Variants in STXBP5L observed in about 807,000 individuals in gnomAD.
STXBP5L encodes the protein syntaxin-binding protein 5-like.
STXBP5L carries 65 observed loss-of-function variants against 144.5 expected under a neutral mutation model. The observed-to-expected ratio is 0.45, with a 90% CI of 0.37 to 0.55. The LOEUF (loss-of-function observed/expected upper bound fraction) is 0.55, where lower values mean the gene tolerates loss of function less well. Ranked by LOEUF, STXBP5L falls within the 20% of genes least tolerant of loss-of-function variation. The probability of loss-of-function intolerance (pLI) is 0.00; values close to 1 mark genes in which losing one functional copy is unlikely to be tolerated. For missense variants in STXBP5L, 1,298 were observed against 1,405.5 expected, an observed-to-expected ratio of 0.92 and a Z score of 1.22; for synonymous variants, 505 against 469.6, an observed-to-expected ratio of 1.08 and a Z score of -0.97.
chr3:121,369,487 A>T (rs2045964607), intron 20 of STXBP5L, among the ~76,000 whole-genome samples: 1 of 151,982 alleles, frequency 6.6e-6, no homozygotes, highest in Non-Finnish European at 1.5e-5. Flanking sequence ...ATTCTTTGTC[A>T]GACATTTCTT....
chr3:120,968,231 CA>C (rs1163289965), intron 3 of STXBP5L, among the ~76,000 whole-genome samples: 1 of 152,086 alleles, frequency 6.6e-6, no homozygotes, highest in Middle Eastern at 3.2e-3. Flanking sequence ...GTGTCACAGT[CA>C]GTCTCTCTCT....
intron 7 of STXBP5L, among the ~76,000 whole-genome samples, chr3:121,150,876 T>C (rs1406218559): frequency 2.0e-5 from 3 of 152,088 alleles, no homozygotes. Flanking sequence ...TCACTTGAGG[T>C]CAGGAGTTCG....
chr3:121,068,253 C>G (rs186465032), intron 5 of STXBP5L, among the ~76,000 whole-genome samples: 2 of 152,354 alleles, frequency 1.3e-5, no homozygotes, highest in African/African-American at 4.8e-5. Flanking sequence ...TGAGATCTGC[C>G]TGCCTCGGCC....
At chr3:121,068,861 C>G (rs906973509) in intron 5 of STXBP5L, among the ~76,000 whole-genome samples, 2 of 152,064 alleles carry the variant, frequency 1.3e-5, no homozygotes, top group African/African-American at 4.8e-5. Context: ...TTTGTTAGAA[C>G]AAATTCTCTC....
At chr3:121,179,848 A>T (rs2047074677) in intron 9 of STXBP5L, among the ~76,000 whole-genome samples, 1 of 152,170 alleles carries the variant, frequency 6.6e-6, no homozygotes, top group African/African-American at 2.4e-5. Flanking sequence ...TCAGAGCTTG[A>T]AGACAAGGCT....
chr3:121,372,228 G>C (rs952987003), intron 20 of STXBP5L, among the ~76,000 whole-genome samples: 1 of 152,130 alleles, frequency 6.6e-6, no homozygotes, highest in Non-Finnish European at 1.5e-5. Flanking sequence ...CTGGGGGCCT[G>C]GGAGAGGCCA....
intron 5 of STXBP5L, among the ~76,000 whole-genome samples, chr3:121,061,835 A>C (rs551008572): frequency 6.6e-6 from 1 of 151,954 alleles, no homozygotes; most frequent in Non-Finnish European, 1.5e-5. Flanking sequence ...ATGTTCCTCC[A>C]TCCCTTTATT....
chr3:121,151,432 A>G (rs2045928208), intron 7 of STXBP5L, among the ~76,000 whole-genome samples: 1 of 152,086 alleles, frequency 6.6e-6, no homozygotes, highest in Non-Finnish European at 1.5e-5. Flanking sequence ...TTGTGTTTTT[A>G]CTGCGAAAAC....
intron 7 of STXBP5L, among the ~76,000 whole-genome samples, chr3:121,128,300 A>G (rs1292837520): frequency 1.3e-5 from 2 of 152,062 alleles, no homozygotes; most frequent in Non-Finnish European, 2.9e-5. Context: ...AAAAAGCCAT[A>G]TAGTAAATAA....
At chr3:120,978,695 G>C (rs1367601459) in intron 3 of STXBP5L, among the ~76,000 whole-genome samples, 1 of 152,134 alleles carries the variant, frequency 6.6e-6, no homozygotes, top group African/African-American at 2.4e-5. Flanking sequence ...TTTGGTCTTT[G>C]ATGATGGTGA....
At chr3:121,277,438 GATA>G (rs1188567006) in intron 18 of STXBP5L, among the ~76,000 whole-genome samples, 1 of 151,988 alleles carries the variant, frequency 6.6e-6, no homozygotes. Context: ...CTAATGTGCA[GATA>G]ATGTTTAAAT....
At chr3:120,970,506 C>A (rs1210762571) in intron 3 of STXBP5L, among the ~76,000 whole-genome samples, 1 of 152,108 alleles carries the variant, frequency 6.6e-6, no homozygotes, top group African/African-American at 2.4e-5. Flanking sequence ...CCATTATCAT[C>A]TGGACAGCAG....
chr3:121,206,319 C>T (rs1011247014), intron 10 of STXBP5L, among the ~76,000 whole-genome samples: 14 of 151,900 alleles, frequency 9.2e-5, no homozygotes, highest in Non-Finnish European at 1.0e-4. Flanking sequence ...GCAATGTGCC[C>T]GTTAATATTG....
At chr3:121,412,741 AAAAAAAAAC>A (rs2047144161) in intron 23 of STXBP5L, among the ~76,000 whole-genome samples, 2 of 148,524 alleles carry the variant, frequency 1.3e-5, no homozygotes, top group Admixed American at 6.7e-5. Flanking sequence ...AAAAAAAAAA[AAAAAAAAAC>A]AAAAGAAAAA....
At chr3:121,278,500 C>T (rs867778895) in intron 18 of STXBP5L, among the ~76,000 whole-genome samples, 1 of 151,718 alleles carries the variant, frequency 6.6e-6, no homozygotes, top group Non-Finnish European at 1.5e-5. Flanking sequence ...GAAACTCTAT[C>T]GTGTCTGTAA....
chr3:121,156,647 G>A (rs574657566), intron 8 of STXBP5L, among the ~76,000 whole-genome samples: 1 of 151,872 alleles, frequency 6.6e-6, no homozygotes, highest in Non-Finnish European at 1.5e-5. Context: ...ATGAAATACA[G>A]TCAGCCCTCC....
intron 3 of STXBP5L, among the ~76,000 whole-genome samples, chr3:120,961,805 G>A (rs1576497147): frequency 6.6e-6 from 1 of 152,140 alleles, no homozygotes; most frequent in Admixed American, 6.5e-5. Context: ...GGGATGGCTG[G>A]GTCAAAAGGT....
chr3:121,139,319 T>C (rs2045395380), intron 7 of STXBP5L, among the ~76,000 whole-genome samples: 2 of 152,074 alleles, frequency 1.3e-5, no homozygotes, highest in South Asian at 2.1e-4. Context: ...TACACATTGT[T>C]CAAATGTAAA....
At chr3:121,367,593 T>C (rs1271043548) in intron 20 of STXBP5L, among the ~76,000 whole-genome samples, 7 of 129,460 alleles carry the variant, frequency 5.4e-5, no homozygotes, top group Non-Finnish European at 8.3e-5. Context: ...TCTTCGACTC[T>C]TGTTTTTTTT....
Sources: allele counts gnomAD v4.1 joint callset (sites outside exome capture counted in the v4.1 genomes callset), GRCh38; gene constraint gnomAD v4.1.1; transcripts MANE v1.5; gene names NCBI Gene and HGNC (gene_info 2026-07-23, HGNC 2026-07-21).